ATP8A2: variants seen among roughly 807,000 people sequenced by gnomAD.
The protein encoded by ATP8A2 is phospholipid-transporting ATPase IB.
ATP8A2 carries 100 observed loss-of-function variants against 165.6 expected under a neutral mutation model. The ratio of observed to expected loss-of-function variants is 0.60; its 90% CI spans 0.51 to 0.71. The LOEUF (loss-of-function observed/expected upper bound fraction) is 0.71. Ranked by LOEUF, ATP8A2 falls within the 30% of genes least tolerant of loss-of-function variation. The pLI is 0.00. For missense variants in ATP8A2, 1,227 were observed against 1,479.5 expected (o/e 0.83, Z 2.80); for synonymous variants, 543 against 548.8 (o/e 0.99, Z 0.15).
intron 6 of ATP8A2, among the ~76,000 whole-genome samples, chr13:25,533,894 C>T (rs1252311517): frequency 6.6e-6 from 1 of 152,092 alleles, no homozygotes; most frequent in East Asian, 1.9e-4. Flanking sequence ...TATTTTATAT[C>T]TCATAAAATT....
At chr13:25,525,554 T>C (rs934928795) in intron 2 of ATP8A2, among the ~76,000 whole-genome samples, 1 of 152,180 alleles carries the variant, frequency 6.6e-6, no homozygotes, top group African/African-American at 2.4e-5. Flanking sequence ...TCCTTCATAG[T>C]TGAGGGACAG....
intron 1 of ATP8A2, among the ~76,000 whole-genome samples, chr13:25,449,665 G>A (rs193047250): frequency 1.5e-4 from 23 of 152,268 alleles, no homozygotes; most frequent in Admixed American, 1.2e-3. Context: ...ACATCTCCAA[G>A]TATAATTGCG....
At chr13:25,984,974 T>TA (rs1956247334) in intron 35 of ATP8A2, among the ~76,000 whole-genome samples, 1 of 152,214 alleles carries the variant, frequency 6.6e-6, no homozygotes, top group Non-Finnish European at 1.5e-5. Context: ...AACGTTTTCT[T>TA]ACAGTGGCCT....
At chr13:25,977,579 A>G (rs1956082162) in intron 35 of ATP8A2, among the ~76,000 whole-genome samples, 1 of 152,226 alleles carries the variant, frequency 6.6e-6, no homozygotes, top group African/African-American at 2.4e-5. Flanking sequence ...GCCTGTGTCA[A>G]CTAAAAATAA....
intron 1 of ATP8A2, among the ~76,000 whole-genome samples, chr13:25,407,080 C>T (rs1190947963): frequency 6.6e-6 from 1 of 152,186 alleles, no homozygotes; most frequent in East Asian, 1.9e-4. Flanking sequence ...TTAAGAACCG[C>T]AGAAGAGACT....
intron 24 of ATP8A2, among the ~76,000 whole-genome samples, chr13:25,636,934 A>C (rs1212928350): frequency 6.6e-6 from 1 of 151,852 alleles, no homozygotes; most frequent in Non-Finnish European, 1.5e-5. Context: ...CTCTATGAAA[A>C]ATAAATGTAG....
intron 27 of ATP8A2, among the ~76,000 whole-genome samples, chr13:25,811,255 C>T (rs1024091403): frequency 6.6e-6 from 1 of 152,068 alleles, no homozygotes; most frequent in African/African-American, 2.4e-5. Flanking sequence ...ATATCAGTGA[C>T]ATAATTTTGG....
At chr13:25,709,046 T>C (rs1256133922) in intron 25 of ATP8A2, among the ~76,000 whole-genome samples, 3 of 152,192 alleles carry the variant, frequency 2.0e-5, no homozygotes, top group African/African-American at 7.2e-5. Flanking sequence ...CTGAGCTCTG[T>C]GAGAGTCCCA....
At chr13:25,845,330 C>A (rs149032681) in intron 30 of ATP8A2, among the ~76,000 whole-genome samples, 202 of 152,104 alleles carry the variant, frequency 1.3e-3, no homozygotes, top group African/African-American at 4.8e-3. Flanking sequence ...TGGTTATTGG[C>A]AAAATAATAC....
chr13:25,775,708 G>A (rs941483135), intron 27 of ATP8A2, among the ~76,000 whole-genome samples: 6 of 152,080 alleles, frequency 3.9e-5, no homozygotes, highest in East Asian at 3.9e-4. Flanking sequence ...ATGACTAATC[G>A]TTTCCAACTA....
chr13:25,468,165 G>C (rs534434804), intron 1 of ATP8A2, among the ~76,000 whole-genome samples: 1 of 152,288 alleles, frequency 6.6e-6, no homozygotes, highest in South Asian at 2.1e-4. Context: ...AAGGTTATTG[G>C]GGGGCAGGGG....
chr13:25,934,998 G>T (rs1217084520), intron 33 of ATP8A2, among the ~76,000 whole-genome samples: 1 of 152,132 alleles, frequency 6.6e-6, no homozygotes, highest in Non-Finnish European at 1.5e-5. Context: ...GCAAGAATGT[G>T]CCAAAAATCC....
Position 25,555,017 on chromosome 13 carries a change from T to C in ATP8A2, c.1212T>C (p.Asn404=). Residue 404 remains asparagine (N), a synonymous_variant, in exon 13 of 37, where the codon AAT becomes AAC. Transcript: ENST00000381655. ...NWDTDMYYIG[N]DTPAMARTSN... ...ACACAGATATGTATTATATAGGAAA[T>C]GACACTCCTGCCATGGCCAGGACAT... 1.9e-6 allele frequency: 3 copies of C among 1,612,224 alleles called. No homozygotes were observed. Among genetic ancestry groups the C allele is most frequent in the Non-Finnish European group, 2.5e-6 (3 of 1,178,436 alleles).
Position 25,589,713 on chromosome 13 carries a change from C to G in ATP8A2, c.2211+14C>G, listed in dbSNP as rs765640594. 2 of 1,554,628 alleles carry G rather than the reference C, an allele frequency of 1.3e-6. No individual in the cohort carries two copies. Among genetic ancestry groups the G allele is most frequent in the African/African-American group, 2.7e-5 (2 of 73,512 alleles). On this transcript the variant is annotated intron_variant, in intron 24 of 36. Coordinates refer to ENST00000381655, the MANE Select transcript of ATP8A2 (RefSeq NM_016529.6). ...GACTCTTTGGATGTAAGTAGTTTTT[C>G]AAAGTTGTATTTGCTTTGCTATAAC... is the stretch of plus-strand genomic sequence containing the variant.
intron 1 of ATP8A2, among the ~76,000 whole-genome samples, chr13:25,379,725 C>A (rs1167525853): frequency 6.6e-6 from 1 of 152,148 alleles, no homozygotes; most frequent in Non-Finnish European, 1.5e-5. Flanking sequence ...GCGGAGCGGG[C>A]CCTGCTAAGC....
In ATP8A2 at chr13:25,952,942, T is replaced by G. The variant is rs889334831; in HGVS notation, c.3184-8633T>G. 5.3e-5 allele frequency among the ~76,000 whole-genome samples: 8 copies of G among 152,256 alleles called. No homozygotes were observed. In the East Asian group the frequency reaches 9.6e-4, roughly 18 times the overall value. On this transcript the variant is annotated intron_variant, in intron 33 of 36. Transcript: ENST00000381655. ...CATGCACGCTCATGAAAACCAAGGT[T>G]TTCAGAAAGCCAAACCTCAAAAACA...
In ATP8A2 at chr13:26,012,555, C is replaced by A. The variant is rs756175180; in HGVS notation, c.3402C>A (p.Ile1134=). Residue 1134 remains isoleucine, a synonymous_variant, in exon 36 of 37, where the codon ATC becomes ATA. Coordinates refer to ENST00000381655, the MANE Select transcript of ATP8A2 (RefSeq NM_016529.6). ...GGCTGAACGAGCGCGACCGCCTGAT[C>A]AAGAGGCTGGGCCGGAAGACGCCCC... is the stretch of plus-strand genomic sequence containing the variant. ...GKRLNERDRL[I]KRLGRKTPPT... is the part of the protein sequence containing the mutation. The A allele has an allele frequency of 6.5e-6, 10 of 1,539,184 alleles. No individual in the cohort carries two copies. The highest frequency in any genetic ancestry group is 2.0e-5 in the Admixed American group (1 of 49,356).
chr13:25,911,843 G>A (rs571892843), intron 33 of ATP8A2, among the ~76,000 whole-genome samples: 2 of 152,220 alleles, frequency 1.3e-5, no homozygotes, highest in East Asian at 1.9e-4. Context: ...AGATCGTTTT[G>A]CCTGGTACTG....
At chr13:25,903,796 G>C (rs1224499086) in intron 33 of ATP8A2, among the ~76,000 whole-genome samples, 1 of 152,074 alleles carries the variant, frequency 6.6e-6, no homozygotes, top group Non-Finnish European at 1.5e-5. Context: ...TTCACCTCTG[G>C]ACACACTGTG....
Sources: allele counts gnomAD v4.1 joint callset (sites outside exome capture counted in the v4.1 genomes callset), GRCh38; gene constraint gnomAD v4.1.1; transcripts MANE v1.5; gene names NCBI Gene and HGNC (gene_info 2026-07-23, HGNC 2026-07-21).